The following ESR2 variants were observed in gnomAD, a reference collection of about 807,000 sequenced individuals.
The protein encoded by ESR2 is estrogen receptor 2, also known as estrogen receptor beta.
A neutral mutation model predicts 49.6 loss-of-function variants in ESR2; 36 were observed. That is an observed-to-expected ratio of 0.73 (90% CI 0.56 to 0.96). The LOEUF is 0.96. ESR2 is among the 40% of genes least tolerant of loss of function. ESR2 has a pLI of 0.00. For missense variants in ESR2, 714 were observed against 693.0 expected (o/e 1.03, Z -0.34); for synonymous variants, 320 against 266.1 (o/e 1.20, Z -1.97).
intron 1 of ESR2, among the ~76,000 whole-genome samples, chr14:64,331,813 A>G (rs1005692865): frequency 5.4e-5 from 7 of 130,536 alleles, no homozygotes; most frequent in Admixed American, 4.4e-4. Flanking sequence ...ACAGAGTGAG[A>G]CTCCATCTCA....
At position 64,261,232 on chromosome 14, in the gene ESR2, C is replaced by CTTTTTTTTTT. The variant is rs374264697; in HGVS notation, c.653-485_653-484insAAAAAAAAAA. ...CAGTCTTTTTAATGCTTTTATTTTT[C>CTTTTTTTTTT]TTTTTTCTTTTTTTTTTTTTTTTGA... On this transcript the variant is annotated intron_variant, in intron 4 of 8. Coordinates refer to ENST00000341099, the MANE Select transcript of ESR2 (RefSeq NM_001437.3). Among the ~76,000 whole-genome samples, 52 of 88,674 alleles carry CTTTTTTTTTT rather than the reference C, an allele frequency of 5.9e-4. 4 individuals are homozygous for CTTTTTTTTTT. The highest frequency in any genetic ancestry group is 7.1e-4 in the Admixed American group (5 of 7,072). The allele number at this position is 88,674 out of a possible 152,430, so 58.2% of individuals were successfully genotyped here.
intron 1 of ESR2, among the ~76,000 whole-genome samples, chr14:64,310,628 C>T (rs747946510): frequency 6.6e-6 from 1 of 151,938 alleles, no homozygotes; most frequent in Non-Finnish European, 1.5e-5. Context: ...CACACCACCA[C>T]GCCCAACTAA....
At chr14:64,310,277 C>A (rs567636729) in intron 1 of ESR2, among the ~76,000 whole-genome samples, 1 of 121,070 alleles carries the variant, frequency 8.3e-6, no homozygotes, top group African/African-American at 4.1e-5. Flanking sequence ...AGTAAGACGT[C>A]GTCTCAAAAA....
intron 1 of ESR2, among the ~76,000 whole-genome samples, chr14:64,323,317 C>T (rs993010586): frequency 6.6e-6 from 1 of 152,082 alleles, no homozygotes; most frequent in African/African-American, 2.4e-5. Context: ...AAATGATTCT[C>T]CCACCTCAGC....
chr14:64,278,144 G>A (rs1484114110), intron 3 of ESR2, among the ~76,000 whole-genome samples: 1 of 152,146 alleles, frequency 6.6e-6, no homozygotes, highest in Non-Finnish European at 1.5e-5. Context: ...CATATAGCCA[G>A]GAAATGGACT....
In ESR2 at chr14:64,239,419, C is replaced by T. The variant is rs1425169017; in HGVS notation, c.1226-4269G>A. Among the ~76,000 whole-genome samples the T allele has an allele frequency of 2.0e-5, 3 of 152,202 alleles. No individual in the cohort carries two copies. The East Asian group carries it at 5.8e-4, about 29-fold the overall frequency. On this transcript the variant is annotated intron_variant, in intron 7 of 8. Transcript: ENST00000341099. ...CTTAATGTAAAATAGGATTTCCTGG[C>T]TTAACCCCTCTATTTCTTTCATTTA...
chr14:64,311,915 G>A (rs1420344626), intron 1 of ESR2, among the ~76,000 whole-genome samples: 1 of 152,146 alleles, frequency 6.6e-6, no homozygotes, highest in Non-Finnish European at 1.5e-5. Context: ...AACATCAGGA[G>A]ACAGAAAATA....
At chr14:64,300,643 C>A (rs2077011245) in intron 1 of ESR2, among the ~76,000 whole-genome samples, 1 of 152,064 alleles carries the variant, frequency 6.6e-6, no homozygotes, top group Non-Finnish European at 1.5e-5. Context: ...GTAGTCCCAG[C>A]TACTCGGGAG....
Position 64,235,138 on chromosome 14 carries a change from A to G in ESR2, c.1238T>C (p.Leu413Pro). ...GTCAGCATCCTGGGTCGCTGTGACC[A>G]GAGGGTACATACCTGGACAAAGAAT... ...MILLNSSMYP[L>P]VTATQDADSS... Residue 413 changes from leucine to proline, a missense_variant, in exon 8 of 9, where the codon CTG (leucine) becomes CCG (proline). Coordinates refer to ENST00000341099, the MANE Select transcript of ESR2 (RefSeq NM_001437.3). 6.2e-7 allele frequency: 1 copy of G among 1,613,690 alleles called. No individual in the cohort carries two copies.
rs538154412 is a variant in ESR2 at position 64,232,917 on chromosome 14, G to A, written c.*220C>T. On this transcript the variant is annotated 3_prime_UTR_variant, in exon 9 of 9. Transcript: ENST00000341099. ...CTATGAGGCCATTGAGTGTGGAAACGCTGCATTCAAATGTGCCCTCTGCTA... is the reference window on the plus strand; with the variant it reads ...CTATGAGGCCATTGAGTGTGGAAACACTGCATTCAAATGTGCCCTCTGCTA... 2.6e-4 allele frequency: 218 copies of A among 842,738 alleles called. No individual in the cohort carries two copies. Among genetic ancestry groups the A allele is most frequent in the Middle Eastern group, 1.6e-3 (4 of 2,572 alleles). The allele number at this position is 842,738 out of a possible 1,614,324, so 52.2% of individuals were successfully genotyped here.
At chr14:64,257,475 G>A in intron 5 of ESR2, 111 bp from the exon 6 acceptor site, 2 of 1,345,290 alleles carry the variant, frequency 1.5e-6, no homozygotes, top group South Asian at 2.8e-5. Context: ...AAACCATTAG[G>A]GAGTTGATAT....
intron 1 of ESR2, among the ~76,000 whole-genome samples, chr14:64,305,008 C>T (rs945403080): frequency 2.6e-5 from 4 of 151,834 alleles, no homozygotes; most frequent in Admixed American, 6.6e-5. Flanking sequence ...AATTAATAGG[C>T]GGCCAGGCGT....
chr14:64,283,321 C>T (rs574155613), intron 1 of ESR2, among the ~76,000 whole-genome samples: 46 of 151,836 alleles, frequency 3.0e-4, no homozygotes, highest in Middle Eastern at 3.4e-3. Context: ...AGTTTAATCA[C>T]GAAAATTTAT....
downstream of ESR2, chr14:64,227,517 C>A (rs74604027): frequency 1.2e-6 from 2 of 1,613,176 alleles, no homozygotes; most frequent in Non-Finnish European, 1.7e-6. Flanking sequence ...TTTAGGCCAC[C>A]GAGTTGATTA....
intron 4 of ESR2, among the ~76,000 whole-genome samples, chr14:64,262,725 G>T (rs1469060279): frequency 1.3e-5 from 2 of 152,046 alleles, no homozygotes; most frequent in African/African-American, 4.8e-5. Flanking sequence ...AACCTGGGCA[G>T]CATGGTGAAA....
intron 1 of ESR2, among the ~76,000 whole-genome samples, chr14:64,320,612 G>T (rs2077314123): frequency 6.6e-6 from 1 of 152,166 alleles, no homozygotes; most frequent in African/African-American, 2.4e-5. Flanking sequence ...AATGTATCAG[G>T]CTGGGCGCAG....
chr14:64,235,243 C>A, intron 7 of ESR2, 93 bp from the exon 8 acceptor site: 1 of 1,393,856 alleles, frequency 7.2e-7, no homozygotes, highest in Non-Finnish European at 9.8e-7. Context: ...CCGAGGTGAT[C>A]TGGGTTGCTT....
intron 1 of ESR2, among the ~76,000 whole-genome samples, chr14:64,285,826 C>CAAAAAAAAAAAAAA (rs10559131): frequency 9.9e-6 from 1 of 100,804 alleles, no homozygotes; most frequent in Non-Finnish European, 2.0e-5. Context: ...GACTCTGTCT[C>CAAAAAAAAAAAAAA]AAAAAAAAAA....
intron 3 of ESR2, among the ~76,000 whole-genome samples, chr14:64,274,438 G>T (rs551859785): frequency 3.3e-5 from 5 of 151,584 alleles, no homozygotes; most frequent in Admixed American, 3.3e-4. Context: ...AGATTTCTGC[G>T]GTATCAGTTG....
Sources: allele counts gnomAD v4.1 joint callset (sites outside exome capture counted in the v4.1 genomes callset), GRCh38; gene constraint gnomAD v4.1.1; transcripts MANE v1.5; gene names NCBI Gene and HGNC (gene_info 2026-07-23, HGNC 2026-07-21).